The following CCSER1 variants were observed in gnomAD, a reference collection of about 807,000 sequenced individuals.
CCSER1 encodes serine-rich coiled-coil domain-containing protein 1.
CCSER1 carries 41 observed loss-of-function variants against 82.0 expected under a neutral mutation model. The observed-to-expected ratio is 0.50, with a 90% CI of 0.39 to 0.65. CCSER1 has a LOEUF of 0.65. Among genes scored for constraint, CCSER1 ranks in the 30% least tolerant of loss-of-function variants. The pLI, the probability that CCSER1 is intolerant of heterozygous loss-of-function variation, is 0.00. For synonymous variants in CCSER1, 414 were observed against 383.9 expected (o/e 1.08, Z -0.92); for missense variants, 1,119 against 1,064.2 (o/e 1.05, Z -0.72).
chr4:90,351,605 G>T (rs527564634), intron 3 of CCSER1, among the ~76,000 whole-genome samples: 1 of 151,990 alleles, frequency 6.6e-6, no homozygotes, highest in South Asian at 2.1e-4. Context: ...CAACAATAGT[G>T]TAAAAAAAAG....
intron 3 of CCSER1, among the ~76,000 whole-genome samples, chr4:90,396,746 T>A (rs147842140): frequency 0.01 from 1,543 of 152,342 alleles, 17 homozygotes; most frequent in South Asian, 0.03. Context: ...AGGTGAATTT[T>A]GTTTTCTCGG....
intron 9 of CCSER1, among the ~76,000 whole-genome samples, chr4:90,962,232 A>G (rs1036907090): frequency 1.3e-5 from 2 of 150,454 alleles, no homozygotes; most frequent in African/African-American, 5.0e-5. Flanking sequence ...ATGCCAATGT[A>G]AAAAAAAATC....
chr4:91,264,391 G>A (rs1172990888), intron 10 of CCSER1, among the ~76,000 whole-genome samples: 3 of 151,666 alleles, frequency 2.0e-5, no homozygotes, highest in Non-Finnish European at 3.0e-5. Flanking sequence ...TTAGATATAG[G>A]GCATTTTCTC....
intron 9 of CCSER1, among the ~76,000 whole-genome samples, chr4:91,012,716 G>GATTCCTGAATATGTGCAGATAAAT (rs1343262271): frequency 1.2e-5 from 1 of 83,264 alleles, no homozygotes; most frequent in Non-Finnish European, 3.5e-5. Context: ...CTAAGATAAT[G>GATTCCTGAATATGTGCAGATAAAT]TAGAATAGTA....
chr4:91,572,149 C>T (rs773142547), intron 10 of CCSER1, among the ~76,000 whole-genome samples: 7 of 152,024 alleles, frequency 4.6e-5, no homozygotes, highest in Non-Finnish European at 7.4e-5. Context: ...AATGGGTACC[C>T]ATTTAATAAT....
intron 7 of CCSER1, among the ~76,000 whole-genome samples, chr4:90,742,012 G>A (rs1746631572): frequency 1.3e-5 from 2 of 152,100 alleles, no homozygotes; most frequent in Non-Finnish European, 1.5e-5. Context: ...TGCCTAGATA[G>A]GCCTCAGGAA....
At chr4:91,028,313 A>G (rs749484625) in intron 9 of CCSER1, among the ~76,000 whole-genome samples, 3 of 151,972 alleles carry the variant, frequency 2.0e-5, no homozygotes, top group Non-Finnish European at 4.4e-5. Flanking sequence ...GCCCTTATAT[A>G]TTGGCATTCT....
chr4:90,518,673 A>G (rs1772623640), intron 5 of CCSER1, among the ~76,000 whole-genome samples: 2 of 151,970 alleles, frequency 1.3e-5, no homozygotes, highest in Non-Finnish European at 2.9e-5. Context: ...AGGTATTAGG[A>G]TAGAAAATAT....
At chr4:91,538,693 A>ATATATATATAT (rs1210908321) in intron 10 of CCSER1, among the ~76,000 whole-genome samples, 2 of 43,308 alleles carry the variant, frequency 4.6e-5, no homozygotes, top group African/African-American at 1.6e-4. Context: ...TATATTATAT[A>ATATATATATAT]TACACATATA....
At chr4:90,515,807 T>C (rs1160419124) in intron 5 of CCSER1, among the ~76,000 whole-genome samples, 1 of 152,206 alleles carries the variant, frequency 6.6e-6, no homozygotes, top group Non-Finnish European at 1.5e-5. Context: ...GAACTAGGAT[T>C]CAAACCCTAG....
intron 6 of CCSER1, among the ~76,000 whole-genome samples, chr4:90,664,502 C>T (rs1458680182): frequency 6.6e-6 from 1 of 152,124 alleles, no homozygotes; most frequent in Non-Finnish European, 1.5e-5. Flanking sequence ...CCTTAACATA[C>T]TACCTTGTGG....
chr4:91,383,998 G>A (rs547054056), intron 10 of CCSER1, among the ~76,000 whole-genome samples: 136 of 152,266 alleles, frequency 8.9e-4, no homozygotes, highest in African/African-American at 3.1e-3. Flanking sequence ...CAAACCTGCA[G>A]TTTTTGTTAA....
intron 10 of CCSER1, among the ~76,000 whole-genome samples, chr4:91,554,879 T>C (rs1444824554): frequency 6.6e-6 from 1 of 151,320 alleles, no homozygotes; most frequent in African/African-American, 2.4e-5. Flanking sequence ...GGATTACATC[T>C]ATGCACTTAG....
chr4:91,300,367 A>G (rs1744572880), intron 10 of CCSER1, among the ~76,000 whole-genome samples: 1 of 151,916 alleles, frequency 6.6e-6, no homozygotes, highest in African/African-American at 2.4e-5. Flanking sequence ...CGAAGGCACC[A>G]TTTCTTAGTG....
At chr4:90,502,114 A>G (rs190443386) in intron 5 of CCSER1, among the ~76,000 whole-genome samples, 4 of 152,274 alleles carry the variant, frequency 2.6e-5, no homozygotes, top group Non-Finnish European at 2.9e-5. Context: ...GAATACATCA[A>G]TTCTCACACT....
intron 5 of CCSER1, among the ~76,000 whole-genome samples, chr4:90,512,865 ATGTCTTC>A (rs779874427): frequency 2.6e-5 from 4 of 152,226 alleles, no homozygotes; most frequent in Non-Finnish European, 4.4e-5. Flanking sequence ...TAAGTAAAAC[ATGTCTTC>A]TTCTGGACAA....
chr4:90,541,224 G>A (rs1776058531), intron 5 of CCSER1, among the ~76,000 whole-genome samples: 1 of 152,022 alleles, frequency 6.6e-6, no homozygotes, highest in Non-Finnish European at 1.5e-5. Flanking sequence ...GACAGAGAAC[G>A]ACATGAGTAA....
chr4:91,261,287 A>G (rs1460041426), intron 10 of CCSER1, among the ~76,000 whole-genome samples: 1 of 152,154 alleles, frequency 6.6e-6, no homozygotes, highest in African/African-American at 2.4e-5. Context: ...TCTCTACCCA[A>G]ACACACCTAG....
At chr4:91,177,556 AT>A (rs1419582350) in intron 10 of CCSER1, among the ~76,000 whole-genome samples, 3 of 152,082 alleles carry the variant, frequency 2.0e-5, no homozygotes, top group Non-Finnish European at 4.4e-5. Flanking sequence ...GGGAGGGTGT[AT>A]GTGTCCAGGA....
Sources: allele counts gnomAD v4.1 joint callset (sites outside exome capture counted in the v4.1 genomes callset), GRCh38; gene constraint gnomAD v4.1.1; transcripts MANE v1.5; gene names NCBI Gene and HGNC (gene_info 2026-07-23, HGNC 2026-07-21).